The following PDS5A variants were observed in gnomAD, a reference collection of about 807,000 sequenced individuals.
PDS5A encodes PDS5 cohesin associated factor A, also known as sister chromatid cohesion protein PDS5 homolog A.
A neutral mutation model predicts 167.1 loss-of-function variants in PDS5A; 42 were observed. That is an observed-to-expected ratio of 0.25 (90% CI 0.20 to 0.33). The LOEUF (loss-of-function observed/expected upper bound fraction) is 0.33, where lower values mean the gene tolerates loss of function less well. PDS5A is among the 10% of genes least tolerant of loss of function. PDS5A has a pLI of 1.00. For synonymous variants in PDS5A, 553 were observed against 554.6 expected (o/e 1.00, Z 0.04); for missense variants, 1,033 against 1,605.9 (o/e 0.64, Z 6.10).
intron 9 of PDS5A, among the ~76,000 whole-genome samples, chr4:39,910,635 G>A (rs1336655393): frequency 6.6e-6 from 1 of 152,158 alleles, no homozygotes; most frequent in East Asian, 1.9e-4. Context: ...GTTAAAATCT[G>A]AGAGCTTAAT....
Position 39,952,622 on chromosome 4 carries a change from C to T in PDS5A, c.138+23818G>A, listed in dbSNP as rs80198573. On this transcript the variant is annotated intron_variant, in intron 2 of 32. Transcript: ENST00000303538. ...TGTGATAATACCAGCTGAAAGATAACGCGCTGAGAAGATGAGGTGCTTACT... is the reference window on the plus strand; with the variant it reads ...TGTGATAATACCAGCTGAAAGATAATGCGCTGAGAAGATGAGGTGCTTACT... Among the ~76,000 whole-genome samples the T allele has an allele frequency of 3.8e-3, 577 of 151,720 alleles. 4 individuals carry two copies. The highest frequency in any genetic ancestry group is 0.013 in the African/African-American group (556 of 41,372).
intron 2 of PDS5A, among the ~76,000 whole-genome samples, chr4:39,950,758 T>C (rs1271333047): frequency 6.6e-6 from 1 of 151,726 alleles, no homozygotes; most frequent in Non-Finnish European, 1.5e-5. Context: ...AGGCTAACTT[T>C]TGTATTTTTA....
At chr4:39,835,095 C>T (rs1466644737) in intron 32 of PDS5A, among the ~76,000 whole-genome samples, 1 of 152,156 alleles carries the variant, frequency 6.6e-6, no homozygotes, top group East Asian at 1.9e-4. Context: ...TGCGCCACCA[C>T]ACCCAGCTAA....
chr4:39,890,396 T>C, intron 16 of PDS5A, 32 bp from the exon 17 acceptor site: 2 of 1,130,390 alleles, frequency 1.8e-6, no homozygotes, highest in Non-Finnish European at 2.6e-6. Flanking sequence ...ACCAAAAACG[T>C]GATTTGCTTT....
At chr4:39,929,519 CTATATA>C (rs58069502) in intron 2 of PDS5A, among the ~76,000 whole-genome samples, 1,393 of 79,312 alleles carry the variant, frequency 0.018, 30 homozygotes, top group Middle Eastern at 0.049. Context: ...ACTTAATAAA[CTATATA>C]TATATATATA....
chr4:39,960,635 A>G (rs1303218609), intron 2 of PDS5A, among the ~76,000 whole-genome samples: 1 of 151,072 alleles, frequency 6.6e-6, no homozygotes, highest in Admixed American at 6.6e-5. Context: ...CTCAGGTGAT[A>G]CTCCCACCTC....
At chr4:39,911,168 G>A (rs558639102) in intron 9 of PDS5A, among the ~76,000 whole-genome samples, 5 of 152,128 alleles carry the variant, frequency 3.3e-5, no homozygotes, top group African/African-American at 7.2e-5. Context: ...GACAAACACT[G>A]GGAAACTTGA....
intron 2 of PDS5A, 26 bp from the exon 3 acceptor site, chr4:39,928,190 ATAAT>A (rs1167318251): frequency 1.4e-6 from 2 of 1,439,954 alleles, no homozygotes; most frequent in East Asian, 2.3e-5. Context: ...AAAACACAAA[ATAAT>A]TAACTCCTGG....
At chr4:39,930,860 T>G (rs1725992942) in intron 2 of PDS5A, among the ~76,000 whole-genome samples, 1 of 152,198 alleles carries the variant, frequency 6.6e-6, no homozygotes, top group Admixed American at 6.5e-5. Flanking sequence ...AAATATGAAC[T>G]ACCAAAACTC....
chr4:39,913,784 A>G lies in PDS5A; in HGVS notation c.877-58T>C, dbSNP rs934848207. On this transcript the variant is annotated intron_variant, in intron 8 of 32. Coordinates refer to ENST00000303538, the MANE Select transcript of PDS5A (RefSeq NM_001100399.2). Reference sequence around the variant, plus strand: ...CTTTATTCACCAGATTACAGAAAATATCTTGAAACATTCTCAAGAAGATAC... The same window carrying G: ...CTTTATTCACCAGATTACAGAAAATGTCTTGAAACATTCTCAAGAAGATAC... The G allele has an allele frequency of 1.7e-5, 15 of 884,634 alleles. No individual in the cohort carries two copies. In the African/African-American group the frequency reaches 1.8e-4, roughly 11 times the overall value. 54.8% of individuals were successfully genotyped at this position (884,634 alleles called of 1,614,324 possible). A position where few individuals can be genotyped will look rare whatever the true frequency, so the allele number is the denominator to read the frequency against.
chr4:39,876,913 A>T, intron 19 of PDS5A, 80 bp downstream of exon 19: 1 of 1,067,152 alleles, frequency 9.4e-7, no homozygotes, highest in Non-Finnish European at 1.4e-6. Flanking sequence ...CTATCTTCCT[A>T]CACAGAAGGA....
intron 2 of PDS5A, among the ~76,000 whole-genome samples, chr4:39,930,246 A>AAAAAATTTTTTTTT: frequency 1.1e-5 from 1 of 93,090 alleles, no homozygotes; most frequent in Non-Finnish European, 2.2e-5. Flanking sequence ...AAAAAAAAAA[A>AAAAAATTTTTTTTT]GTTTTTTTGT....
chr4:39,874,697 G>A (rs532240729), intron 19 of PDS5A, among the ~76,000 whole-genome samples: 81 of 152,108 alleles, frequency 5.3e-4, no homozygotes, highest in African/African-American at 1.9e-3. Context: ...ATAATCTAAA[G>A]CTTACCCCAT....
intron 30 of PDS5A, 79 bp from the exon 31 acceptor site, chr4:39,842,135 G>T (rs1432595133): frequency 2.2e-6 from 2 of 891,242 alleles, no homozygotes; most frequent in East Asian, 2.5e-5. Context: ...ATAAAGAAAG[G>T]CTTAGGCTGG....
intron 20 of PDS5A, among the ~76,000 whole-genome samples, 191 bp from the exon 21 acceptor site, chr4:39,873,335 T>C (rs959980068): frequency 2.0e-5 from 3 of 152,198 alleles, no homozygotes; most frequent in Admixed American, 2.0e-4. Context: ...TTTAGCAAGA[T>C]TGAAAGAATG....
intron 2 of PDS5A, among the ~76,000 whole-genome samples, chr4:39,971,866 A>C (rs771207984): frequency 2.6e-5 from 4 of 152,238 alleles, no homozygotes; most frequent in Non-Finnish European, 4.4e-5. Flanking sequence ...TCTAATAAAA[A>C]AACAAAATTT....
intron 8 of PDS5A, among the ~76,000 whole-genome samples, chr4:39,916,011 T>G (rs547188699): frequency 3.3e-5 from 5 of 152,088 alleles, no homozygotes; most frequent in African/African-American, 1.2e-4. Context: ...GGCAGGAGAA[T>G]TGCATTAGGC....
chr4:39,905,614 G>A (rs1227075347), intron 11 of PDS5A, among the ~76,000 whole-genome samples: 1 of 152,142 alleles, frequency 6.6e-6, no homozygotes, highest in Non-Finnish European at 1.5e-5. Flanking sequence ...TCAGACCTTT[G>A]AGGAACGCTT....
chr4:39,975,603 TAC>T (rs749223858), intron 2 of PDS5A, among the ~76,000 whole-genome samples: 2 of 152,208 alleles, frequency 1.3e-5, no homozygotes, highest in Non-Finnish European at 2.9e-5. Flanking sequence ...GACTACTGTT[TAC>T]AGTTTCCTAG....
Sources: gnomAD v4.1 joint callset for allele counts (sites outside exome capture counted in the v4.1 genomes callset) on GRCh38, gnomAD v4.1.1 for gene constraint, MANE v1.5 for transcripts, NCBI Gene and HGNC (gene_info 2026-07-23, HGNC 2026-07-21) for gene names.